Variants in RELN observed in about 807,000 individuals in gnomAD.
RELN encodes the protein reelin.
A neutral mutation model predicts 427.6 loss-of-function variants in RELN; 108 were observed. That is an observed-to-expected ratio of 0.25 (90% CI 0.22 to 0.30). The LOEUF (loss-of-function observed/expected upper bound fraction) is 0.30, where lower values mean the gene tolerates loss of function less well. Among genes scored for constraint, RELN ranks in the 10% least tolerant of loss-of-function variants. RELN has a pLI of 1.00. For synonymous variants in RELN, 1,524 were observed against 1,513.4 expected (o/e 1.01, Z -0.16); for missense variants, 3,715 against 4,302.8 (o/e 0.86, Z 3.82).
intron 11 of RELN, among the ~76,000 whole-genome samples, chr7:103,675,290 G>T (rs1469687781): frequency 6.6e-6 from 1 of 152,110 alleles, no homozygotes; most frequent in African/African-American, 2.4e-5. Context: ...ATTCACAATT[G>T]CTTCAAAGAG....
chr7:103,746,652 T>C (rs540503438), intron 6 of RELN, among the ~76,000 whole-genome samples: 16 of 152,140 alleles, frequency 1.1e-4, no homozygotes, highest in South Asian at 6.2e-4. Context: ...AGCCAACAGA[T>C]ACATGAAAAA....
rs764249285 is a variant in RELN at position 103,918,981 on chromosome 7, G to T, written c.227-1796C>A. 7.9e-5 allele frequency among the ~76,000 whole-genome samples: 12 copies of T among 152,130 alleles called. No individual in the cohort carries two copies. The Middle Eastern group carries it at 0.01, about 129-fold the overall frequency. Reference sequence around the variant, plus strand: ...AAAAAATACTTGTTTGAAATGAATTGATTATAATCTGCTTGCTAGAGTTCA... The same window carrying T: ...AAAAAATACTTGTTTGAAATGAATTTATTATAATCTGCTTGCTAGAGTTCA... On this transcript the variant is annotated intron_variant, in intron 1 of 64. Transcript: ENST00000428762.
chr7:103,941,106 TTGACACGAGAC>T lies in RELN; in HGVS notation c.227-23932_227-23922del, dbSNP rs140727996. ...CCCTTCCTGCCCCCTCACCATCAGG[TTGACACGAGAC>T]TGACACGAGACTGGTACAATTTCTC... On this transcript the variant is annotated intron_variant, in intron 1 of 64. Transcript: ENST00000428762. Among the ~76,000 whole-genome samples the T allele has an allele frequency of 4.0e-3, 608 of 152,200 alleles. 6 individuals carry two copies. The highest frequency in any genetic ancestry group is 0.014 in the African/African-American group (564 of 41,530).
At chr7:103,966,226 TC>T (rs1292595835) in intron 1 of RELN, among the ~76,000 whole-genome samples, 32 of 52,494 alleles carry the variant, frequency 6.1e-4, no homozygotes, top group Non-Finnish European at 1.3e-3. Flanking sequence ...ACCCGCTTTT[TC>T]CAGTTCTGGC....
At chr7:103,615,956 C>A (rs547707059) in intron 20 of RELN, among the ~76,000 whole-genome samples, 1 of 152,276 alleles carries the variant, frequency 6.6e-6, no homozygotes, top group East Asian at 1.9e-4. Flanking sequence ...AAGGCAGACA[C>A]ACATAGCCAA....
At chr7:103,478,120 A>T (rs1446004537) in intron 64 of RELN, among the ~76,000 whole-genome samples, 4 of 152,196 alleles carry the variant, frequency 2.6e-5, no homozygotes, top group Non-Finnish European at 5.9e-5. Flanking sequence ...TCTGTTGCCC[A>T]ATGATGAAAT....
chr7:103,685,165 C>T (rs567682022), intron 10 of RELN, among the ~76,000 whole-genome samples: 151 of 152,166 alleles, frequency 9.9e-4, no homozygotes, highest in African/African-American at 3.4e-3. Flanking sequence ...TGTATAACAT[C>T]GATCTACTAT....
chr7:103,641,580 G>GA (rs1832694365), intron 16 of RELN, among the ~76,000 whole-genome samples: 1 of 152,080 alleles, frequency 6.6e-6, no homozygotes, highest in African/African-American at 2.4e-5. Flanking sequence ...GCTTCACTCA[G>GA]GAAATTCTGA....
At chr7:103,919,628 C>G (rs1052875167) in intron 1 of RELN, among the ~76,000 whole-genome samples, 1 of 152,132 alleles carries the variant, frequency 6.6e-6, no homozygotes, top group African/African-American at 2.4e-5. Flanking sequence ...TTCTACCAAG[C>G]TATGTGACTC....
At position 103,776,171 on chromosome 7, in the gene RELN, T is replaced by C. The variant is rs564073237; in HGVS notation, c.544+386A>G. Among the ~76,000 whole-genome samples the C allele has an allele frequency of 3.3e-3, 506 of 152,304 alleles. 7 individuals carry two copies. Among genetic ancestry groups the C allele is most frequent in the African/African-American group, 0.012 (481 of 41,566 alleles). ...CCCATAGATACTGTACACATAATCA[T>C]GTATAATATGATCAAATGTTAAAAG... On this transcript the variant is annotated intron_variant, in intron 4 of 64. Coordinates refer to ENST00000428762, the MANE Select transcript of RELN (RefSeq NM_005045.4).
intron 8 of RELN, among the ~76,000 whole-genome samples, chr7:103,716,124 G>A (rs28396636): frequency 0.021 from 3,199 of 152,220 alleles, 114 homozygotes; most frequent in African/African-American, 0.071. Flanking sequence ...TGCCATTCCC[G>A]TAACCTTCAC....
intron 1 of RELN, among the ~76,000 whole-genome samples, chr7:103,977,036 C>T (rs1273263443): frequency 2.0e-5 from 3 of 151,800 alleles, no homozygotes; most frequent in Non-Finnish European, 2.9e-5. Context: ...CAGTGCCGGG[C>T]GTGGGAACTC....
chr7:103,931,155 C>T lies in RELN; in HGVS notation c.227-13970G>A, dbSNP rs925768039. 2.6e-5 allele frequency among the ~76,000 whole-genome samples: 4 copies of T among 152,070 alleles called. No homozygotes were observed. The East Asian group carries it at 7.7e-4, about 29-fold the overall frequency. On this transcript the variant is annotated intron_variant, in intron 1 of 64. Transcript: ENST00000428762. ...ACCAAGAATCCCCCAGAATCCCATC[C>T]AAGCCTCCCCATCCTGCCTCTCACC... is the stretch of plus-strand genomic sequence containing the variant.
chr7:103,570,569 G>A (rs868255947), intron 31 of RELN, among the ~76,000 whole-genome samples: 22 of 152,296 alleles, frequency 1.4e-4, no homozygotes, highest in Middle Eastern at 3.4e-3. Flanking sequence ...TCACTAGAAT[G>A]TAAGTTCCCC....
chr7:103,659,081 G>A (rs1444336860), intron 12 of RELN, among the ~76,000 whole-genome samples: 4 of 151,798 alleles, frequency 2.6e-5, no homozygotes, highest in East Asian at 1.9e-4. Flanking sequence ...GATGATTTTC[G>A]AATCTGATTC....
intron 28 of RELN, among the ~76,000 whole-genome samples, chr7:103,584,475 T>C (rs1831224557): frequency 1.3e-5 from 2 of 152,140 alleles, no homozygotes; most frequent in South Asian, 2.1e-4. Context: ...AAAAGGGCAT[T>C]ATATAATGGT....
chr7:103,646,099 T>A (rs900435249), intron 16 of RELN, among the ~76,000 whole-genome samples: 1 of 151,438 alleles, frequency 6.6e-6, no homozygotes, highest in Non-Finnish European at 1.5e-5. Flanking sequence ...AATAGAGACA[T>A]AACAAAACTT....
chr7:103,733,291 C>T (rs1790402578), intron 6 of RELN, among the ~76,000 whole-genome samples: 2 of 150,768 alleles, frequency 1.3e-5, no homozygotes, highest in Admixed American at 6.6e-5. Context: ...CAGGAAACAA[C>T]AGGTGCTGGA....
intron 12 of RELN, among the ~76,000 whole-genome samples, chr7:103,660,711 T>A (rs1833121628): frequency 6.6e-6 from 1 of 152,194 alleles, no homozygotes; most frequent in South Asian, 2.1e-4. Flanking sequence ...AGAAGGCATG[T>A]GACACCTACT....
Sources: allele counts gnomAD v4.1 joint callset (sites outside exome capture counted in the v4.1 genomes callset), GRCh38; gene constraint gnomAD v4.1.1; transcripts MANE v1.5; gene names NCBI Gene and HGNC (gene_info 2026-07-23, HGNC 2026-07-21).